Variants in SNX29 observed in about 807,000 individuals in gnomAD.
The protein encoded by SNX29 is sorting nexin-29.
SNX29 carries 78 observed loss-of-function variants against 102.1 expected under a neutral mutation model. The observed-to-expected ratio is 0.76, with a 90% confidence interval of 0.64 to 0.92. The LOEUF (loss-of-function observed/expected upper bound fraction) is 0.92, where lower values mean the gene tolerates loss of function less well. Among genes scored for constraint, SNX29 ranks in the 40% least tolerant of loss-of-function variants. The pLI is 0.00. For missense variants in SNX29, 1,280 were observed against 1,061.7 expected, an observed-to-expected ratio of 1.21 and a Z score of -2.86; for synonymous variants, 580 against 414.5, an observed-to-expected ratio of 1.40 and a Z score of -4.85.
At chr16:12,158,892 C>T (rs2055666322) in intron 13 of SNX29, among the ~76,000 whole-genome samples, 1 of 152,168 alleles carries the variant, frequency 6.6e-6, no homozygotes, top group African/African-American at 2.4e-5. Flanking sequence ...AGTTAGTGCC[C>T]AGTAAATTGT....
intron 14 of SNX29, among the ~76,000 whole-genome samples, chr16:12,207,446 G>C (rs1307997065): frequency 6.6e-6 from 1 of 152,180 alleles, no homozygotes; most frequent in African/African-American, 2.4e-5. Flanking sequence ...AGTTAACCCA[G>C]TGCCTTTACT....
At chr16:12,514,932 GAAAGAA>G (rs2089798341) in intron 19 of SNX29, among the ~76,000 whole-genome samples, 1 of 150,962 alleles carries the variant, frequency 6.6e-6, no homozygotes, top group African/African-American at 2.4e-5. Flanking sequence ...AAGAAAGAAA[GAAAGAA>G]AGAGAGAAAG....
At chr16:12,084,493 A>T (rs774152660) in intron 11 of SNX29, among the ~76,000 whole-genome samples, 9 of 152,210 alleles carry the variant, frequency 5.9e-5, no homozygotes, top group Non-Finnish European at 1.0e-4. Context: ...GATGCCTTGC[A>T]TTTCTGCAGG....
chr16:12,506,367 C>T (rs1345644370), intron 19 of SNX29, among the ~76,000 whole-genome samples: 1 of 152,148 alleles, frequency 6.6e-6, no homozygotes, highest in Admixed American at 6.5e-5. Context: ...GGGCGGAGTA[C>T]TCTGTCCCCA....
chr16:12,433,258 G>A (rs1433426974), intron 18 of SNX29, among the ~76,000 whole-genome samples: 1 of 152,170 alleles, frequency 6.6e-6, no homozygotes, highest in African/African-American at 2.4e-5. Flanking sequence ...TAATGTCGAT[G>A]TAACGAGCCT....
At chr16:11,985,651 G>A (rs1269828395) in intron 1 of SNX29, among the ~76,000 whole-genome samples, 1 of 152,112 alleles carries the variant, frequency 6.6e-6, no homozygotes, top group East Asian at 1.9e-4. Context: ...AGTCTAGTCT[G>A]GAGCCTGTGG....
At position 12,570,789 on chromosome 16, in the gene SNX29, C is replaced by G. The variant is rs892211172; in HGVS notation, c.*2160C>G. 1 of 232,346 alleles carries G rather than the reference C, an allele frequency of 4.3e-6. No individual in the cohort carries two copies. The highest frequency in any genetic ancestry group is 8.5e-6 in the Non-Finnish European group (1 of 117,600). 14.4% of individuals were successfully genotyped at this position (232,346 alleles called of 1,614,324 possible). A position where few individuals can be genotyped will look rare whatever the true frequency, so the allele number is the denominator to read the frequency against. On this transcript the variant is annotated 3_prime_UTR_variant, in exon 21 of 21. Transcript: ENST00000566228. ...GCACATGATAATAATGCAACAGTCCCCCATTGCTGAGAGATACTAACCCGT... is the reference window on the plus strand; with the variant it reads ...GCACATGATAATAATGCAACAGTCCGCCATTGCTGAGAGATACTAACCCGT...
chr16:11,990,336 A>C (rs981491128), intron 1 of SNX29, among the ~76,000 whole-genome samples: 4 of 152,168 alleles, frequency 2.6e-5, no homozygotes, highest in South Asian at 2.1e-4. Flanking sequence ...ACTGTCTGCT[A>C]GAGCTGGCTA....
At chr16:12,450,416 T>G (rs940121993) in intron 18 of SNX29, among the ~76,000 whole-genome samples, 2 of 152,184 alleles carry the variant, frequency 1.3e-5, no homozygotes, top group South Asian at 4.1e-4. Context: ...TGGGATCAAC[T>G]TGACTTCAAG....
intron 14 of SNX29, among the ~76,000 whole-genome samples, chr16:12,210,505 T>C (rs2142035330): frequency 7.1e-6 from 1 of 141,844 alleles, no homozygotes. Context: ...GACTGAGAAG[T>C]CTTGCCTGAG....
chr16:11,989,287 T>C (rs945577792), intron 1 of SNX29, among the ~76,000 whole-genome samples: 1 of 152,114 alleles, frequency 6.6e-6, no homozygotes, highest in East Asian at 1.9e-4. Context: ...CTAGAGTAAA[T>C]TGATGGTCCC....
At chr16:12,492,774 T>G (rs2088616980) in intron 19 of SNX29, among the ~76,000 whole-genome samples, 1 of 152,214 alleles carries the variant, frequency 6.6e-6, no homozygotes, top group African/African-American at 2.4e-5. Context: ...CCAGCACCAT[T>G]TATTAAATAG....
At chr16:12,087,643 C>G (rs189314759) in intron 11 of SNX29, 1 of 358,576 alleles carries the variant, frequency 2.8e-6, no homozygotes, top group African/African-American at 2.1e-5. Context: ...GTAAAGCAGC[C>G]GTCATTATGC....
Position 12,405,961 on chromosome 16 carries a change from G to C in SNX29, c.2037+2432G>C, listed in dbSNP as rs192866939. On this transcript the variant is annotated intron_variant, in intron 18 of 20. Transcript: ENST00000566228. ...GCAGGAGAACGGCTTGAACCCAGGA[G>C]GCAGAGATTGCAGTGAGCCGAGATC... Among the ~76,000 whole-genome samples, 1,140 of 152,190 alleles carry C rather than the reference G, an allele frequency of 7.5e-3. 16 individuals carry two copies. The highest frequency in any genetic ancestry group is 7.2e-3 in the Non-Finnish European group (489 of 68,012).
At position 12,570,087 on chromosome 16, in the gene SNX29, G is replaced by A. The variant is rs1023916937; in HGVS notation, c.*1458G>A. 2.2e-5 allele frequency: 18 copies of A among 822,952 alleles called. No individual in the cohort carries two copies. The highest frequency in any genetic ancestry group is 2.4e-5 in the Non-Finnish European group (16 of 658,748). 51.0% of individuals were successfully genotyped at this position (822,952 alleles called of 1,614,324 possible). On this transcript the variant is annotated 3_prime_UTR_variant, in exon 21 of 21. Transcript: ENST00000566228. The stretch of plus-strand genomic sequence containing the variant: ...GAATCATCTGGAAGGTTTATACTGT[G>A]CCTTCCCCTCGTAGCAAAAAGGAAG...
intron 18 of SNX29, among the ~76,000 whole-genome samples, chr16:12,450,133 A>C (rs1342283397): frequency 6.6e-6 from 1 of 152,226 alleles, no homozygotes; most frequent in Non-Finnish European, 1.5e-5. Flanking sequence ...GTCTTCTGCC[A>C]TGATTCTGAG....
intron 11 of SNX29, among the ~76,000 whole-genome samples, chr16:12,121,482 G>GC (rs2053969636): frequency 6.6e-6 from 1 of 152,234 alleles, no homozygotes; most frequent in Non-Finnish European, 1.5e-5. Context: ...TTGGGTAGCC[G>GC]CCTTGGCTGT....
At chr16:12,023,782 G>T (rs902820436) in intron 3 of SNX29, among the ~76,000 whole-genome samples, 2 of 152,142 alleles carry the variant, frequency 1.3e-5, no homozygotes, top group Non-Finnish European at 2.9e-5. Flanking sequence ...GTGTCCACCA[G>T]AAGCTAAAGA....
At chr16:12,359,543 A>G (rs940430718) in intron 16 of SNX29, among the ~76,000 whole-genome samples, 1 of 152,172 alleles carries the variant, frequency 6.6e-6, no homozygotes, top group African/African-American at 2.4e-5. Flanking sequence ...TATTTTACAT[A>G]TCTGCTCCTA....
Sources: gnomAD v4.1 joint callset for allele counts (sites outside exome capture counted in the v4.1 genomes callset) on GRCh38, gnomAD v4.1.1 for gene constraint, MANE v1.5 for transcripts, NCBI Gene and HGNC (gene_info 2026-07-23, HGNC 2026-07-21) for gene names.